AGTPBP1: variants seen among roughly 807,000 people sequenced by gnomAD.
AGTPBP1 encodes ATP/GTP binding carboxypeptidase 1.
AGTPBP1 carries 70 observed loss-of-function variants against 143.9 expected under a neutral mutation model. The observed-to-expected ratio is 0.49, with a 90% confidence interval of 0.40 to 0.59. AGTPBP1 has a LOEUF of 0.59. Ranked by LOEUF, AGTPBP1 falls within the 20% of genes least tolerant of loss-of-function variation. The probability of loss-of-function intolerance (pLI) is 0.00; values close to 1 mark genes in which losing one functional copy is unlikely to be tolerated. For missense variants in AGTPBP1, 1,229 were observed against 1,464.5 expected (o/e 0.84, Z 2.62); for synonymous variants, 463 against 500.2 (o/e 0.93, Z 0.99).
At chr9:85,796,980 T>A in the AGTPBP1 span, among the ~76,000 whole-genome samples, 1 of 151,482 alleles carries the variant, frequency 6.6e-6, no homozygotes, top group African/African-American at 2.4e-5. Flanking sequence ...AGAGACAGGG[T>A]TTCACCGTGT....
In AGTPBP1 at chr9:85,615,633, T is replaced by A. The variant is rs141477543; in HGVS notation, c.2335+3350A>T. ...TAAAACTTAATTTTAAAATTATGTA[T>A]GTGAATGTGAATAAGTTTAAGAACA... On this transcript the variant is annotated intron_variant, in intron 17 of 25. Coordinates refer to ENST00000357081, the MANE Select transcript of AGTPBP1 (RefSeq NM_001330701.2). Among the ~76,000 whole-genome samples the A allele has an allele frequency of 4.0e-4, 61 of 152,202 alleles. No individual in the cohort carries two copies. The East Asian group carries it at 0.011, about 26-fold the overall frequency.
intron 24 of AGTPBP1, among the ~76,000 whole-genome samples, chr9:85,577,252 G>A (rs1019878249): frequency 6.6e-6 from 1 of 152,194 alleles, no homozygotes; most frequent in Non-Finnish European, 1.5e-5. Flanking sequence ...CCAGAAGCTA[G>A]TTTCAGAGAC....
intron 1 of AGTPBP1, among the ~76,000 whole-genome samples, chr9:85,716,645 A>G (rs1837723337): frequency 6.6e-6 from 1 of 152,134 alleles, no homozygotes; most frequent in South Asian, 2.1e-4. Context: ...TCACTTTACC[A>G]CATCTACCAC....
At chr9:85,631,136 C>A (rs1233625684) in intron 14 of AGTPBP1, among the ~76,000 whole-genome samples, 1 of 152,178 alleles carries the variant, frequency 6.6e-6, no homozygotes, top group Admixed American at 6.5e-5. Flanking sequence ...CACTGGCAAC[C>A]ACATCTTGTT....
intron 6 of AGTPBP1, among the ~76,000 whole-genome samples, chr9:85,676,237 G>C (rs1834822333): frequency 6.6e-6 from 1 of 151,862 alleles, no homozygotes; most frequent in Admixed American, 6.6e-5. Flanking sequence ...AACAGCAAAG[G>C]AAACAATCAA....
At chr9:85,772,406 T>C in the AGTPBP1 span, among the ~76,000 whole-genome samples, 1 of 152,078 alleles carries the variant, frequency 6.6e-6, no homozygotes, top group African/African-American at 2.4e-5. Flanking sequence ...ATAGACATTG[T>C]CTGAAGTATT....
At chr9:85,623,910 T>C (rs1415565266) in intron 14 of AGTPBP1, among the ~76,000 whole-genome samples, 1 of 152,170 alleles carries the variant, frequency 6.6e-6, no homozygotes, top group Non-Finnish European at 1.5e-5. Flanking sequence ...ATAGTCTAGG[T>C]ACTCTCAGGG....
intron 1 of AGTPBP1, among the ~76,000 whole-genome samples, chr9:85,716,946 T>C (rs62570601): frequency 0.015 from 2,256 of 152,302 alleles, 25 homozygotes; most frequent in Middle Eastern, 0.037. Context: ...GGCCTCCATG[T>C]TTTCCTCCAA....
chr9:85,635,254 A>G (rs916458680), intron 13 of AGTPBP1, among the ~76,000 whole-genome samples: 4 of 152,176 alleles, frequency 2.6e-5, no homozygotes, highest in African/African-American at 9.7e-5. Flanking sequence ...TATATACATT[A>G]TGGAGTCCAA....
At chr9:85,565,683 G>A (rs1827040041) in intron 25 of AGTPBP1, among the ~76,000 whole-genome samples, 1 of 152,042 alleles carries the variant, frequency 6.6e-6, no homozygotes, top group Admixed American at 6.6e-5. Flanking sequence ...ATTCCATGCT[G>A]CCAAATGCCT....
At chr9:85,680,184 C>T (rs780651147) in intron 4 of AGTPBP1, among the ~76,000 whole-genome samples, 1 of 152,162 alleles carries the variant, frequency 6.6e-6, no homozygotes. Context: ...CTGAAGATTT[C>T]TAATGTTCTT....
rs375124356 is a variant in AGTPBP1 at position 85,646,518 on chromosome 9, AG to A, written c.1088-101del. On this transcript the variant is annotated intron_variant, in intron 11 of 25. Transcript: ENST00000357081. ...ACTTATATAAAGTATTTCAATCACC[AG>A]AGAAAAAGTAAATGAGATTTCTTAT... is the stretch of plus-strand genomic sequence containing the variant. 42 of 815,934 alleles carry A rather than the reference AG, an allele frequency of 5.1e-5. 1 individual carries two copies. The African/African-American group carries it at 6.0e-4, about 12-fold the overall frequency. The allele number at this position is 815,934 out of a possible 1,614,324, so 50.5% of individuals were successfully genotyped here. A position where few individuals can be genotyped will look rare whatever the true frequency, so the allele number is the denominator to read the frequency against.
upstream of AGTPBP1, among the ~76,000 whole-genome samples, chr9:85,745,578 A>G (rs1372244309): frequency 6.6e-6 from 1 of 152,262 alleles, no homozygotes; most frequent in Non-Finnish European, 1.5e-5. Context: ...GAATGCGGCA[A>G]AACTGGGAAA....
At chr9:85,669,960 T>C (rs766725472) in intron 7 of AGTPBP1, among the ~76,000 whole-genome samples, 6 of 152,102 alleles carry the variant, frequency 3.9e-5, no homozygotes, top group Non-Finnish European at 8.8e-5. Flanking sequence ...ACAGAAACAA[T>C]AAACAAATAA....
the AGTPBP1 span, among the ~76,000 whole-genome samples, chr9:85,802,933 T>C: frequency 2.6e-5 from 4 of 152,250 alleles, no homozygotes; most frequent in Admixed American, 1.3e-4. Context: ...TATAACTTAA[T>C]ACTTGACCAT....
At chr9:85,710,173 T>C (rs1837276793) in intron 2 of AGTPBP1, among the ~76,000 whole-genome samples, 1 of 152,154 alleles carries the variant, frequency 6.6e-6, no homozygotes, top group African/African-American at 2.4e-5. Context: ...GGGCTCTTTT[T>C]TTTAGAACAT....
the AGTPBP1 span, among the ~76,000 whole-genome samples, chr9:85,766,732 C>A: frequency 3.3e-5 from 5 of 152,064 alleles, no homozygotes; most frequent in African/African-American, 1.2e-4. Flanking sequence ...CTGCTCTTAT[C>A]ACGATTTTAA....
the AGTPBP1 span, among the ~76,000 whole-genome samples, chr9:85,770,061 TTG>T: frequency 0.014 from 2,014 of 147,922 alleles, 22 homozygotes; most frequent in African/African-American, 0.03. Context: ...TGTTAATCTG[TTG>T]TGTGTGTGTG....
chr9:85,601,732 G>A (rs538237808), intron 17 of AGTPBP1, among the ~76,000 whole-genome samples: 1 of 152,144 alleles, frequency 6.6e-6, no homozygotes, highest in Non-Finnish European at 1.5e-5. Flanking sequence ...TTGCATGGGG[G>A]CCCAAGAACT....
Sources: gnomAD v4.1 joint callset for allele counts (sites outside exome capture counted in the v4.1 genomes callset) on GRCh38, gnomAD v4.1.1 for gene constraint, MANE v1.5 for transcripts, NCBI Gene and HGNC (gene_info 2026-07-23, HGNC 2026-07-21) for gene names.